The following NCOA2 variants were observed in gnomAD, a reference collection of about 807,000 sequenced individuals.
NCOA2 encodes the protein nuclear receptor coactivator 2, also known as class E basic helix-loop-helix protein 75.
NCOA2 carries 21 observed loss-of-function variants against 145.1 expected under a neutral mutation model. That is an observed-to-expected ratio of 0.14 (90% CI 0.10 to 0.21). NCOA2 has a LOEUF of 0.21. Ranked by LOEUF, NCOA2 falls within the 10% of genes least tolerant of loss-of-function variation. The pLI, the probability that NCOA2 is intolerant of heterozygous loss-of-function variation, is 1.00. For synonymous variants in NCOA2, 619 were observed against 637.5 expected (o/e 0.97, Z 0.44); for missense variants, 1,472 against 1,837.6 (o/e 0.80, Z 3.64).
rs545196210 is a variant in NCOA2, at chr8:70,111,434, C to T, written c.*2198G>A. On this transcript the variant is annotated 3_prime_UTR_variant, in exon 23 of 23. Transcript: ENST00000452400. ...GAATTGTATGCCACATGAGCCTCAG[C>T]CCACGGGGAGGTCCTGGAGTTCTGG... 4 of 219,636 alleles carry T rather than the reference C, an allele frequency of 1.8e-5. No homozygotes were observed. The South Asian group carries it at 7.4e-4, about 40-fold the overall frequency. The allele number at this position is 219,636 out of a possible 1,614,324, so 13.6% of individuals were successfully genotyped here.
intron 1 of NCOA2, among the ~76,000 whole-genome samples, chr8:70,301,762 A>G (rs541312606): frequency 6.6e-6 from 1 of 152,098 alleles, no homozygotes; most frequent in African/African-American, 2.4e-5. Flanking sequence ...AGGCTGTTGG[A>G]AAGAGATGAC....
the NCOA2 span, among the ~76,000 whole-genome samples, chr8:70,419,377 T>G: frequency 6.6e-6 from 1 of 152,190 alleles, no homozygotes; most frequent in Admixed American, 6.5e-5. Flanking sequence ...GTATCTATTT[T>G]TAAGTACTAT....
chr8:70,440,585 C>G, the NCOA2 span, among the ~76,000 whole-genome samples: 66 of 147,454 alleles, frequency 4.5e-4, no homozygotes, highest in Middle Eastern at 3.5e-3. Flanking sequence ...GAGAGAGAGA[C>G]TGAGACAAGG....
At chr8:70,443,785 G>A in the NCOA2 span, among the ~76,000 whole-genome samples, 1 of 152,058 alleles carries the variant, frequency 6.6e-6, no homozygotes, top group South Asian at 2.1e-4. Context: ...TTGCCCCCCA[G>A]GCTGATTTTG....
chr8:70,257,107 G>A (rs941143901), intron 2 of NCOA2, among the ~76,000 whole-genome samples: 14 of 152,168 alleles, frequency 9.2e-5, no homozygotes, highest in African/African-American at 3.1e-4. Flanking sequence ...CTCAGAGAGA[G>A]GTCTGGTAGT....
chr8:70,197,649 T>C (rs1229739974), intron 4 of NCOA2, among the ~76,000 whole-genome samples: 1 of 152,234 alleles, frequency 6.6e-6, no homozygotes, highest in Non-Finnish European at 1.5e-5. Flanking sequence ...TGTTTAAATA[T>C]AATTATGGCA....
the NCOA2 span, among the ~76,000 whole-genome samples, chr8:70,420,101 A>G: frequency 6.6e-6 from 1 of 152,210 alleles, no homozygotes; most frequent in Non-Finnish European, 1.5e-5. Flanking sequence ...TGTCTGGCAC[A>G]GGGCAGGTTT....
At chr8:70,124,616 C>T in intron 20 of NCOA2, 72 bp downstream of exon 20, 2 of 1,413,382 alleles carry the variant, frequency 1.4e-6, no homozygotes, top group Non-Finnish European at 1.9e-6. Context: ...TCCTCGGGTG[C>T]AGGCATGAAG....
chr8:70,400,946 G>T (rs754529603), intron 1 of NCOA2, among the ~76,000 whole-genome samples: 1 of 151,966 alleles, frequency 6.6e-6, no homozygotes, highest in Non-Finnish European at 1.5e-5. Context: ...TAAATTCATG[G>T]GATACTTATG....
intron 4 of NCOA2, among the ~76,000 whole-genome samples, chr8:70,196,974 A>G (rs901901161): frequency 1.3e-5 from 2 of 152,196 alleles, no homozygotes; most frequent in Non-Finnish European, 2.9e-5. Flanking sequence ...AATAATTCCA[A>G]TCCTGAGGCA....
chr8:70,138,613 T>C (rs992021718), intron 14 of NCOA2, among the ~76,000 whole-genome samples: 6 of 152,250 alleles, frequency 3.9e-5, no homozygotes, highest in Admixed American at 2.6e-4. Flanking sequence ...TATATCTTAC[T>C]GATATTTACT....
At chr8:70,346,612 A>G (rs1808670882) in intron 1 of NCOA2, among the ~76,000 whole-genome samples, 3 of 152,344 alleles carry the variant, frequency 2.0e-5, no homozygotes, top group Non-Finnish European at 2.9e-5. Flanking sequence ...TGGATGCTCA[A>G]TGAGGCAGCT....
At chr8:70,148,622 A>G in intron 11 of NCOA2, 139 bp from the exon 12 acceptor site, 1 of 680,988 alleles carries the variant, frequency 1.5e-6, no homozygotes, top group Non-Finnish European at 2.4e-6. Flanking sequence ...CACAGGCCTA[A>G]CAGATAATTG....
intron 1 of NCOA2, among the ~76,000 whole-genome samples, chr8:70,321,081 TTC>T (rs1391929648): frequency 1.3e-5 from 2 of 152,172 alleles, no homozygotes; most frequent in African/African-American, 4.8e-5. Flanking sequence ...TAAATTAACT[TTC>T]TGAGCTCCAA....
the NCOA2 span, among the ~76,000 whole-genome samples, chr8:70,455,057 CT>C: frequency 5.3e-5 from 8 of 152,178 alleles, no homozygotes; most frequent in Non-Finnish European, 1.2e-4. Context: ...TGAAAGGATA[CT>C]TTGAAAAGAA....
In NCOA2 at chr8:70,381,516, A is replaced by G. The variant is rs75405262; in HGVS notation, c.-77+22184T>C. Among the ~76,000 whole-genome samples, 56 of 152,350 alleles carry G rather than the reference A, an allele frequency of 3.7e-4. No homozygotes were observed. In the East Asian group the frequency reaches 8.3e-3, roughly 23 times the overall value. ...GGGAACCCTACGAAGGTATAATACT[A>G]ATGCTACATAAGCACTAATATTAAT... On this transcript the variant is annotated intron_variant, in intron 1 of 22. Coordinates refer to ENST00000452400, the MANE Select transcript of NCOA2 (RefSeq NM_006540.4).
the NCOA2 span, among the ~76,000 whole-genome samples, chr8:70,422,049 T>G: frequency 2.6e-5 from 4 of 151,424 alleles, no homozygotes; most frequent in Non-Finnish European, 4.4e-5. Flanking sequence ...GAGCTGAGAT[T>G]GCGCCATTAC....
chr8:70,238,206 G>A (rs887277466), intron 2 of NCOA2, among the ~76,000 whole-genome samples: 1 of 152,132 alleles, frequency 6.6e-6, no homozygotes, highest in Admixed American at 6.5e-5. Context: ...AACATACGTA[G>A]GTGAGAAAAT....
intron 2 of NCOA2, among the ~76,000 whole-genome samples, chr8:70,268,952 T>C (rs1824825882): frequency 6.6e-6 from 1 of 152,080 alleles, no homozygotes; most frequent in South Asian, 2.1e-4. Context: ...TAAAGATAAA[T>C]ATTTATAGAT....
Sources: allele counts gnomAD v4.1 joint callset (sites outside exome capture counted in the v4.1 genomes callset), GRCh38; gene constraint gnomAD v4.1.1; transcripts MANE v1.5; gene names NCBI Gene and HGNC (gene_info 2026-07-23, HGNC 2026-07-21).